Variants in CARMIL1 observed in about 807,000 individuals in gnomAD.
CARMIL1 encodes the protein F-actin-uncapping protein LRRC16A.
CARMIL1 carries 90 observed loss-of-function variants against 177.1 expected under a neutral mutation model. The observed-to-expected ratio is 0.51, with a 90% CI of 0.43 to 0.61. The LOEUF is 0.61. Ranked by LOEUF, CARMIL1 falls within the 20% of genes least tolerant of loss-of-function variation. The pLI is 0.00. For synonymous variants in CARMIL1, 577 were observed against 606.2 expected (o/e 0.95, Z 0.71); for missense variants, 1,380 against 1,667.0 (o/e 0.83, Z 3.00).
intron 8 of CARMIL1, among the ~76,000 whole-genome samples, chr6:25,453,506 T>A (rs983212899): frequency 2.6e-5 from 4 of 152,342 alleles, no homozygotes; most frequent in Non-Finnish European, 5.9e-5. Flanking sequence ...CTTCTCATTC[T>A]GTTACACAGG....
At chr6:25,293,082 C>T (rs574214104) in intron 2 of CARMIL1, among the ~76,000 whole-genome samples, 4 of 150,590 alleles carry the variant, frequency 2.7e-5, no homozygotes, top group Non-Finnish European at 5.9e-5. Flanking sequence ...TCTCTTATCC[C>T]CTCTGCTTTC....
chr6:25,582,098 T>C (rs1255088143), intron 31 of CARMIL1, among the ~76,000 whole-genome samples: 4 of 152,238 alleles, frequency 2.6e-5, no homozygotes, highest in Non-Finnish European at 4.4e-5. Flanking sequence ...ACTGTCTCTC[T>C]TCTTCACCTT....
intron 35 of CARMIL1, among the ~76,000 whole-genome samples, chr6:25,609,148 G>T (rs964145353): frequency 6.6e-6 from 1 of 152,110 alleles, no homozygotes; most frequent in African/African-American, 2.4e-5. Flanking sequence ...CAATTAGGGT[G>T]AAACAGCCCT....
chr6:25,550,938 C>T lies in CARMIL1; in HGVS notation c.2357C>T (p.Ala786Val), dbSNP rs1489312235. The change falls in exon 27 of 37, where the codon GCT becomes GTT. Residue 786 changes from alanine (A) to valine (V), a missense_variant. Ala to Val is a moderately conservative substitution (Grantham distance 64). Transcript: ENST00000329474. ...TTGCTTGAGTCCATGGTTGATGCTG[C>T]TGAGAATCTTTGTCCCAATGTGATG... Reference protein sequence around the residue: ...KALLESMVDAAENLCPNVMKK... With the variant: ...KALLESMVDAVENLCPNVMKK... 2 of 1,613,428 alleles carry T rather than the reference C, an allele frequency of 1.2e-6. No individual in the cohort carries two copies. The highest frequency in any genetic ancestry group is 1.7e-6 in the Non-Finnish European group (2 of 1,179,554).
At chr6:25,490,750 T>TA (rs377733924) in intron 13 of CARMIL1, among the ~76,000 whole-genome samples, 10 of 50,858 alleles carry the variant, frequency 2.0e-4, no homozygotes, top group African/African-American at 7.4e-4. Flanking sequence ...AATAAATAAA[T>TA]AAAAAAAAAT....
chr6:25,618,098 G>T (rs532621850), intron 36 of CARMIL1, among the ~76,000 whole-genome samples: 1 of 152,182 alleles, frequency 6.6e-6, no homozygotes, highest in African/African-American at 2.4e-5. Context: ...ATTAACTAAA[G>T]ATTTAAATTT....
chr6:25,449,134 G>T (rs549529659), intron 5 of CARMIL1, among the ~76,000 whole-genome samples: 1 of 152,002 alleles, frequency 6.6e-6, no homozygotes, highest in African/African-American at 2.4e-5. Context: ...TCAAGTAATC[G>T]CCTGCCTTGG....
rs1815438690 is a variant in CARMIL1 at position 25,601,839 on chromosome 6, A to G, written c.3552+1093A>G. On this transcript the variant is annotated intron_variant, in intron 33 of 36. Transcript: ENST00000329474. ...GTTTTCTCTTGTCACTCACTACATG[A>G]AGGATTGTATCTGTGTGATAAGATG... is the stretch of plus-strand genomic sequence containing the variant. Among the ~76,000 whole-genome samples, 3 of 152,158 alleles carry G rather than the reference A, an allele frequency of 2.0e-5. No homozygotes were observed. The South Asian group carries it at 6.2e-4, about 32-fold the overall frequency.
At chr6:25,487,678 GAC>G (rs981776808) in intron 12 of CARMIL1, among the ~76,000 whole-genome samples, 12 of 152,166 alleles carry the variant, frequency 7.9e-5, no homozygotes, top group African/African-American at 2.9e-4. Context: ...ATTTTATAAT[GAC>G]ACACCTCAAA....
chr6:25,523,345 G>C (rs947541223), intron 23 of CARMIL1, among the ~76,000 whole-genome samples: 4 of 151,976 alleles, frequency 2.6e-5, no homozygotes, highest in African/African-American at 9.7e-5. Flanking sequence ...AATTCTTACT[G>C]GGTGTCTGGC....
intron 15 of CARMIL1, 29 bp from the exon 16 acceptor site, chr6:25,495,082 C>A (rs772899452): frequency 2.3e-6 from 3 of 1,323,670 alleles, no homozygotes; most frequent in South Asian, 1.2e-5. Flanking sequence ...AAGGTGTAAC[C>A]GCTTGTGTAA....
Position 25,488,576 on chromosome 6 carries a change from T to A in CARMIL1, c.1056T>A (p.Asp352Glu). The A allele has an allele frequency of 6.2e-7, 1 of 1,612,890 alleles. No homozygotes were observed. Among genetic ancestry groups the A allele is most frequent in the Non-Finnish European group, 8.5e-7 (1 of 1,178,830 alleles). The change falls in exon 13 of 37, where the codon GAT (aspartate) becomes GAA (glutamate). Residue 352 changes from aspartate to glutamate, a missense_variant. Physicochemically the swap from Asp to Glu is conservative, Grantham distance 45. Coordinates refer to ENST00000329474, the MANE Select transcript of CARMIL1 (RefSeq NM_017640.6). Reference sequence around the variant, plus strand: ...TCTCAGGGAACGTCCTTCGTGGAGATGACCTCTCAGTAAGTTTTCTTTTCT... The same window carrying A: ...TCTCAGGGAACGTCCTTCGTGGAGAAGACCTCTCAGTAAGTTTTCTTTTCT... The part of the protein sequence containing the change: ...LDLSGNVLRG[D>E]DLSHMYNFLA...
chr6:25,466,795 A>G (rs1800646478), intron 9 of CARMIL1, among the ~76,000 whole-genome samples: 1 of 152,172 alleles, frequency 6.6e-6, no homozygotes, highest in South Asian at 2.1e-4. Context: ...GGTGGCCTAA[A>G]ACATTATAAG....
chr6:25,372,673 A>C (rs1012000316), intron 2 of CARMIL1, among the ~76,000 whole-genome samples: 1 of 152,132 alleles, frequency 6.6e-6, no homozygotes, highest in Non-Finnish European at 1.5e-5. Flanking sequence ...TAGGTATATA[A>C]TCATACCACT....
At chr6:25,512,689 A>G (rs568807687) in intron 20 of CARMIL1, among the ~76,000 whole-genome samples, 84 of 152,330 alleles carry the variant, frequency 5.5e-4, no homozygotes, top group African/African-American at 2.0e-3. Flanking sequence ...ATTATACATT[A>G]TGTTCAATTG....
chr6:25,472,613 A>G, intron 11 of CARMIL1, 92 bp downstream of exon 11: 1 of 1,030,644 alleles, frequency 9.7e-7, no homozygotes, highest in Non-Finnish European at 1.5e-6. Context: ...GTATCAAGCT[A>G]AGTTGTAATT....
chr6:25,570,393 T>A (rs371243149), intron 29 of CARMIL1, among the ~76,000 whole-genome samples: 1 of 152,208 alleles, frequency 6.6e-6, no homozygotes, highest in East Asian at 1.9e-4. Flanking sequence ...TTGAAATCAG[T>A]GCCAGAGAAT....
At chr6:25,494,146 T>TTC (rs1411562828) in intron 15 of CARMIL1, among the ~76,000 whole-genome samples, 11 of 151,162 alleles carry the variant, frequency 7.3e-5, no homozygotes, top group African/African-American at 2.4e-4. Flanking sequence ...TTATTATACT[T>TTC]TAAGTTTTAG....
chr6:25,481,354 T>C (rs1802108053), intron 11 of CARMIL1, among the ~76,000 whole-genome samples: 1 of 152,208 alleles, frequency 6.6e-6, no homozygotes, highest in Non-Finnish European at 1.5e-5. Context: ...ACCTCCATGT[T>C]GTTTCTTAGA....
Sources: gnomAD v4.1 joint callset for allele counts (sites outside exome capture counted in the v4.1 genomes callset) on GRCh38, gnomAD v4.1.1 for gene constraint, MANE v1.5 for transcripts, NCBI Gene and HGNC (gene_info 2026-07-23, HGNC 2026-07-21) for gene names.